Variants in GALNT14 observed in about 807,000 individuals in gnomAD.
The protein encoded by GALNT14 is UDP-GalNAc:polypeptide N-acetylgalactosaminyltransferase 14.
In GALNT14, 60 loss-of-function variants were observed where a neutral mutation model predicts 77.5. That is an observed-to-expected ratio of 0.77 (90% CI 0.63 to 0.96). GALNT14 has a LOEUF of 0.96. Among genes scored for constraint, GALNT14 ranks in the 40% least tolerant of loss-of-function variants. GALNT14 has a pLI of 0.00. For missense variants in GALNT14, 710 were observed against 731.0 expected, an observed-to-expected ratio of 0.97 and a Z score of 0.33; for synonymous variants, 280 against 281.7, an observed-to-expected ratio of 0.99 and a Z score of 0.06.
intron 2 of GALNT14, among the ~76,000 whole-genome samples, chr2:30,988,647 T>C (rs985932841): frequency 6.6e-6 from 1 of 152,008 alleles, no homozygotes; most frequent in Non-Finnish European, 1.5e-5. Context: ...GCTGCACCAG[T>C]CCTACCTATG....
At chr2:31,083,449 T>C (rs1676256010) in intron 1 of GALNT14, among the ~76,000 whole-genome samples, 1 of 152,184 alleles carries the variant, frequency 6.6e-6, no homozygotes, top group Admixed American at 6.5e-5. Context: ...TTTCCTCCCA[T>C]TCGTTCCAGT....
At chr2:31,132,597 CAAT>C (rs1186317499) in intron 1 of GALNT14, 23 of 409,882 alleles carry the variant, frequency 5.6e-5, no homozygotes, top group African/African-American at 4.0e-4. Context: ...AAAATTACAA[CAAT>C]GAGAAAATTG....
the GALNT14 span, among the ~76,000 whole-genome samples, chr2:30,897,340 C>A: frequency 6.6e-6 from 1 of 152,072 alleles, no homozygotes; most frequent in African/African-American, 2.4e-5. Context: ...TGAAGCAGAC[C>A]CCACACCCCA....
At chr2:30,981,850 C>T (rs967218352) in intron 2 of GALNT14, among the ~76,000 whole-genome samples, 2 of 152,134 alleles carry the variant, frequency 1.3e-5, no homozygotes, top group African/African-American at 4.8e-5. Flanking sequence ...AAACAGACAC[C>T]CAGGGAGCTG....
chr2:30,959,252 T>C (rs1667546614), intron 3 of GALNT14, among the ~76,000 whole-genome samples: 2 of 152,226 alleles, frequency 1.3e-5, no homozygotes, highest in Non-Finnish European at 1.5e-5. Flanking sequence ...TCTGATCCTA[T>C]GACTTTTCTC....
intron 13 of GALNT14, 26 bp downstream of exon 13, chr2:30,924,093 C>T: frequency 6.2e-7 from 1 of 1,614,026 alleles, no homozygotes; most frequent in Non-Finnish European, 8.5e-7. Context: ...GACACATGGT[C>T]CTGTATGCCC....
chr2:30,955,559 G>A, intron 6 of GALNT14, 59 bp downstream of exon 6: 1 of 1,590,404 alleles, frequency 6.3e-7, no homozygotes, highest in South Asian at 1.1e-5. Context: ...ATGAGCTTGA[G>A]AGAGAGCCTG....
At chr2:30,993,527 G>A (rs1173593119) in intron 1 of GALNT14, among the ~76,000 whole-genome samples, 1 of 152,216 alleles carries the variant, frequency 6.6e-6, no homozygotes. Flanking sequence ...AAGGGCCAGC[G>A]ATGGGAAGGA....
At chr2:30,996,758 T>G (rs1007530142) in intron 1 of GALNT14, among the ~76,000 whole-genome samples, 1 of 152,144 alleles carries the variant, frequency 6.6e-6, no homozygotes, top group African/African-American at 2.4e-5. Context: ...CAGGCTGGCA[T>G]GAGAAATTGA....
chr2:30,945,068 G>C, intron 7 of GALNT14, 126 bp from the exon 8 acceptor site: 1 of 692,394 alleles, frequency 1.4e-6, no homozygotes, highest in Admixed American at 3.0e-5. Flanking sequence ...GCCGGTCCCT[G>C]GGATTGCAGG....
At chr2:31,056,599 C>G (rs1674223070) in intron 1 of GALNT14, among the ~76,000 whole-genome samples, 1 of 152,116 alleles carries the variant, frequency 6.6e-6, no homozygotes, top group Non-Finnish European at 1.5e-5. Flanking sequence ...TTCGTGTGCA[C>G]CTGCCATGGG....
intron 1 of GALNT14, among the ~76,000 whole-genome samples, chr2:31,105,716 C>A (rs1253734098): frequency 6.6e-6 from 1 of 151,776 alleles, no homozygotes; most frequent in African/African-American, 2.4e-5. Context: ...CAGAACAAGA[C>A]CCTGTCTCAA....
At chr2:31,048,039 A>T (rs1348554610) in intron 1 of GALNT14, among the ~76,000 whole-genome samples, 1 of 152,242 alleles carries the variant, frequency 6.6e-6, no homozygotes, top group Non-Finnish European at 1.5e-5. Context: ...GATTTAAAAC[A>T]TTTTAATCCA....
chr2:31,004,178 C>A (rs1433523609), intron 1 of GALNT14, among the ~76,000 whole-genome samples: 2 of 152,184 alleles, frequency 1.3e-5, no homozygotes, highest in East Asian at 3.9e-4. Context: ...AAGCTGGTCA[C>A]TGGAACAGGA....
intron 1 of GALNT14, among the ~76,000 whole-genome samples, chr2:31,072,516 G>T (rs570886787): frequency 2.6e-5 from 4 of 151,720 alleles, no homozygotes; most frequent in Middle Eastern, 3.4e-3. Context: ...CCCTTACTGT[G>T]GTTTGCTTGG....
In GALNT14 at chr2:30,992,853, T is replaced by G; in HGVS notation, c.284A>C (p.Asp95Ala). Residue 95 changes from aspartate (D) to alanine (A), a missense_variant, in exon 2 of 15, where the codon GAC becomes GCC. Coordinates refer to ENST00000349752, the MANE Select transcript of GALNT14 (RefSeq NM_024572.4). ...GAGGAAGTACCTCAGATGGCGAGTG[T>G]CCGGGATGGCCCGATTGCTGGAGAT... ...ERISSNRAIPDTRHLRCTLLV... is the reference protein window; with the variant it reads ...ERISSNRAIPATRHLRCTLLV... 1 of 1,613,960 alleles carries G rather than the reference T, an allele frequency of 6.2e-7. No homozygotes were observed.
intron 1 of GALNT14, among the ~76,000 whole-genome samples, chr2:31,058,387 C>T (rs1325596524): frequency 1.3e-5 from 2 of 151,908 alleles, no homozygotes; most frequent in African/African-American, 4.8e-5. Context: ...GGTGAGTCTG[C>T]TTTCATTGCA....
chr2:31,040,426 G>A (rs1048232110), intron 1 of GALNT14, among the ~76,000 whole-genome samples: 2 of 152,172 alleles, frequency 1.3e-5, no homozygotes, highest in Non-Finnish European at 2.9e-5. Context: ...CAAGGAGGGA[G>A]TAGGTCTTGA....
intron 1 of GALNT14, among the ~76,000 whole-genome samples, chr2:31,083,206 GC>G (rs1445433306): frequency 2.6e-5 from 4 of 152,142 alleles, no homozygotes; most frequent in Admixed American, 2.6e-4. Flanking sequence ...CCTGCCATGT[GC>G]CCAGCCTGAC....
Sources: allele counts gnomAD v4.1 joint callset (sites outside exome capture counted in the v4.1 genomes callset), GRCh38; gene constraint gnomAD v4.1.1; transcripts MANE v1.5; gene names NCBI Gene and HGNC (gene_info 2026-07-23, HGNC 2026-07-21).